KCNH8: variants seen among roughly 807,000 people sequenced by gnomAD.
KCNH8 encodes voltage-gated delayed rectifier potassium channel KCNH8.
Under a neutral mutation model 103.6 loss-of-function variants are expected in KCNH8, and 70 were observed. That is an observed-to-expected ratio of 0.68 (90% confidence interval 0.56 to 0.82). The LOEUF (loss-of-function observed/expected upper bound fraction) is 0.82, where lower values mean the gene tolerates loss of function less well. Among genes scored for constraint, KCNH8 ranks in the 40% least tolerant of loss-of-function variants. The pLI is 0.00. For synonymous variants in KCNH8, 498 were observed against 489.4 expected (o/e 1.02, Z -0.23); for missense variants, 1,217 against 1,329.9 (o/e 0.92, Z 1.32).
chr3:19,405,917 T>C (rs779607495), intron 7 of KCNH8, among the ~76,000 whole-genome samples: 20 of 152,058 alleles, frequency 1.3e-4, no homozygotes, highest in Non-Finnish European at 2.4e-4. Flanking sequence ...ATATGTCATA[T>C]ATAAATGATA....
chr3:19,257,440 C>G (rs950986676), intron 2 of KCNH8, among the ~76,000 whole-genome samples: 7 of 151,936 alleles, frequency 4.6e-5, no homozygotes, highest in Non-Finnish European at 1.0e-4. Flanking sequence ...ATGTCATGTC[C>G]TATTTGTTTT....
chr3:19,443,429 T>C (rs1375896312), intron 8 of KCNH8, among the ~76,000 whole-genome samples: 1 of 150,634 alleles, frequency 6.6e-6, no homozygotes, highest in African/African-American at 2.4e-5. Flanking sequence ...TACACATATG[T>C]GTGTGTATAT....
chr3:19,277,205 G>T (rs183126123), intron 2 of KCNH8, among the ~76,000 whole-genome samples: 1 of 152,192 alleles, frequency 6.6e-6, no homozygotes, highest in African/African-American at 2.4e-5. Context: ...GGAAGGGGAG[G>T]CAGGGGGATG....
rs1303867324 is a variant in KCNH8, at chr3:19,201,860, G to A, written c.77-51794G>A. Among the ~76,000 whole-genome samples, 6 of 152,074 alleles carry A rather than the reference G, an allele frequency of 3.9e-5. No individual in the cohort carries two copies. In the South Asian group the frequency reaches 6.2e-4, roughly 16 times the overall value. On this transcript the variant is annotated intron_variant, in intron 1 of 15. Transcript: ENST00000328405. ...TTTATTAATACTTATGTTATTACTC[G>A]GGAGATAAGTTGATGGCTTTCACAT...
chr3:19,495,887 T>C (rs549996315), intron 11 of KCNH8, among the ~76,000 whole-genome samples: 3 of 152,282 alleles, frequency 2.0e-5, no homozygotes, highest in Non-Finnish European at 2.9e-5. Context: ...AGCGGTGTTT[T>C]ATAATTCTCA....
At chr3:19,487,806 C>A (rs528433776) in intron 11 of KCNH8, among the ~76,000 whole-genome samples, 4 of 152,292 alleles carry the variant, frequency 2.6e-5, no homozygotes, top group African/African-American at 9.6e-5. Context: ...CTAAGCAAGT[C>A]TCTTCCCAGC....
chr3:19,321,112 T>G (rs888331103), intron 3 of KCNH8, among the ~76,000 whole-genome samples: 1 of 152,034 alleles, frequency 6.6e-6, no homozygotes, highest in African/African-American at 2.4e-5. Context: ...CTATGCGTTT[T>G]ATTTATCTTT....
chr3:19,284,322 C>G (rs1165702237), intron 3 of KCNH8, among the ~76,000 whole-genome samples: 1 of 152,030 alleles, frequency 6.6e-6, no homozygotes, highest in Non-Finnish European at 1.5e-5. Flanking sequence ...ATTAAAAATA[C>G]TTTAATCATT....
At chr3:19,262,724 C>T (rs921116183) in intron 2 of KCNH8, among the ~76,000 whole-genome samples, 2 of 151,960 alleles carry the variant, frequency 1.3e-5, no homozygotes, top group African/African-American at 2.4e-5. Context: ...GAGTTCCTAG[C>T]GTGGACGACA....
intron 11 of KCNH8, among the ~76,000 whole-genome samples, chr3:19,494,209 C>T (rs751053953): frequency 1.4e-4 from 22 of 152,182 alleles, no homozygotes; most frequent in Non-Finnish European, 7.3e-5. Flanking sequence ...CCACAGTGTA[C>T]ATGTACCACA....
At chr3:19,383,643 G>C (rs2066317772) in intron 5 of KCNH8, among the ~76,000 whole-genome samples, 1 of 152,150 alleles carries the variant, frequency 6.6e-6, no homozygotes, top group Non-Finnish European at 1.5e-5. Flanking sequence ...AAAGAGCTGG[G>C]ATTACAGGTG....
chr3:19,375,256 AT>A (rs1279217575), intron 5 of KCNH8, among the ~76,000 whole-genome samples: 1 of 151,568 alleles, frequency 6.6e-6, no homozygotes, highest in East Asian at 1.9e-4. Context: ...TCAGACGTAG[AT>A]TTGGTCTTTT....
At chr3:19,384,541 A>G (rs1467554480) in intron 5 of KCNH8, among the ~76,000 whole-genome samples, 1 of 152,200 alleles carries the variant, frequency 6.6e-6, no homozygotes, top group African/African-American at 2.4e-5. Context: ...TAGTAATAAA[A>G]GGGTTTTTTT....
At chr3:19,159,750 GTATCTA>G (rs1005657025) in intron 1 of KCNH8, among the ~76,000 whole-genome samples, 2 of 151,986 alleles carry the variant, frequency 1.3e-5, no homozygotes, top group Non-Finnish European at 1.5e-5. Flanking sequence ...CGAAACATTT[GTATCTA>G]TATCTATATC....
chr3:19,515,560 C>T, intron 14 of KCNH8, 132 bp downstream of exon 14: 1 of 428,140 alleles, frequency 2.3e-6, no homozygotes, highest in Non-Finnish European at 4.1e-6. Flanking sequence ...CTTACCAATA[C>T]CATTGAATAA....
intron 5 of KCNH8, among the ~76,000 whole-genome samples, chr3:19,389,663 C>T (rs997733706): frequency 6.6e-6 from 1 of 152,068 alleles, no homozygotes; most frequent in Non-Finnish European, 1.5e-5. Flanking sequence ...GGGTCTCACT[C>T]TGTTGCCCAG....
chr3:19,274,075 A>G (rs1052430007), intron 2 of KCNH8, among the ~76,000 whole-genome samples: 4 of 152,160 alleles, frequency 2.6e-5, no homozygotes, highest in Non-Finnish European at 5.9e-5. Context: ...AATGTTTAAA[A>G]CATTGTCCAT....
intron 11 of KCNH8, among the ~76,000 whole-genome samples, chr3:19,509,743 T>A (rs2068752137): frequency 6.6e-6 from 1 of 152,140 alleles, no homozygotes; most frequent in South Asian, 2.1e-4. Flanking sequence ...TTTGATTCAA[T>A]TAGGGGATTA....
intron 11 of KCNH8, among the ~76,000 whole-genome samples, chr3:19,459,964 C>G (rs2067595738): frequency 6.6e-6 from 1 of 151,940 alleles, no homozygotes; most frequent in African/African-American, 2.4e-5. Flanking sequence ...CTGTCTCTCT[C>G]TCTCTCTCTC....
Sources: allele counts gnomAD v4.1 joint callset (sites outside exome capture counted in the v4.1 genomes callset), GRCh38; gene constraint gnomAD v4.1.1; transcripts MANE v1.5; gene names NCBI Gene and HGNC (gene_info 2026-07-23, HGNC 2026-07-21).